The following FAR2 variants were observed in gnomAD, a reference collection of about 807,000 sequenced individuals.
FAR2 encodes the protein fatty acyl-CoA reductase 2, also known as epididymis secretory protein Li 81.
FAR2 carries 19 observed loss-of-function variants against 56.0 expected under a neutral mutation model. The ratio of observed to expected loss-of-function variants is 0.34; its 90% CI spans 0.24 to 0.50. The LOEUF (loss-of-function observed/expected upper bound fraction) is 0.50, where lower values mean the gene tolerates loss of function less well. Among genes scored for constraint, FAR2 ranks in the 20% least tolerant of loss-of-function variants. The probability of loss-of-function intolerance (pLI) is 0.98; values close to 1 mark genes in which losing one functional copy is unlikely to be tolerated. For missense variants in FAR2, 508 were observed against 642.2 expected, an observed-to-expected ratio of 0.79 and a Z score of 2.26; for synonymous variants, 219 against 218.8, an observed-to-expected ratio of 1.00 and a Z score of -0.01.
intron 1 of FAR2, among the ~76,000 whole-genome samples, chr12:29,149,934 G>A (rs909153705): frequency 1.3e-5 from 2 of 152,150 alleles, no homozygotes; most frequent in African/African-American, 4.8e-5. Context: ...GCAGGTCCTC[G>A]CCAGCCCCCA....
At chr12:29,245,163 TA>T (rs1347328153) in intron 1 of FAR2, among the ~76,000 whole-genome samples, 2 of 152,058 alleles carry the variant, frequency 1.3e-5, no homozygotes, top group Admixed American at 6.5e-5. Context: ...GTATTTTTAG[TA>T]AGAGACGGGG....
At chr12:29,264,988 A>G (rs1036224646) in intron 1 of FAR2, among the ~76,000 whole-genome samples, 1 of 152,212 alleles carries the variant, frequency 6.6e-6, no homozygotes, top group Non-Finnish European at 1.5e-5. Context: ...GATCTCTACA[A>G]TAAAACCTAT....
chr12:29,186,131 A>G (rs1028562439), intron 1 of FAR2, among the ~76,000 whole-genome samples: 51 of 152,304 alleles, frequency 3.3e-4, no homozygotes, highest in African/African-American at 1.1e-3. Context: ...AACCTTTATC[A>G]TTTCAATATG....
intron 1 of FAR2, among the ~76,000 whole-genome samples, chr12:29,253,693 A>C (rs1417748605): frequency 6.6e-6 from 1 of 152,184 alleles, no homozygotes; most frequent in Non-Finnish European, 1.5e-5. Flanking sequence ...AAAAGCATCA[A>C]AATTTACATT....
chr12:29,238,619 GAGGGA>G (rs1033580187), intron 1 of FAR2, among the ~76,000 whole-genome samples: 2 of 152,138 alleles, frequency 1.3e-5, no homozygotes, highest in African/African-American at 4.8e-5. Flanking sequence ...TGATCATAGT[GAGGGA>G]AGGGCTATTT....
intron 1 of FAR2, among the ~76,000 whole-genome samples, chr12:29,178,456 C>T (rs1949960526): frequency 6.6e-6 from 1 of 152,076 alleles, no homozygotes; most frequent in African/African-American, 2.4e-5. Context: ...TTAGTTCAGG[C>T]ATGATGGTGC....
At chr12:29,235,770 T>C (rs555484059) in intron 1 of FAR2, among the ~76,000 whole-genome samples, 49 of 152,240 alleles carry the variant, frequency 3.2e-4, no homozygotes, top group Non-Finnish European at 6.8e-4. Context: ...AAAAAGGTAG[T>C]GAGTGATGGG....
chr12:29,177,252 G>A (rs564295414), intron 1 of FAR2, among the ~76,000 whole-genome samples: 1 of 152,324 alleles, frequency 6.6e-6, no homozygotes, highest in East Asian at 1.9e-4. Context: ...TCTTATTCCA[G>A]TCTATTCCAG....
chr12:29,157,126 A>AT (rs1949735799), intron 1 of FAR2: 1 of 138,586 alleles, frequency 7.2e-6, no homozygotes, highest in African/African-American at 2.7e-5. Flanking sequence ...ATATATATAT[A>AT]TATATATATA....
intron 11 of FAR2, chr12:29,333,056 G>C (rs1949755024): frequency 2.7e-6 from 1 of 367,808 alleles, no homozygotes; most frequent in Non-Finnish European, 5.2e-6. Context: ...TGTCATAATG[G>C]GATATAAATA....
intron 1 of FAR2, among the ~76,000 whole-genome samples, chr12:29,265,588 C>G (rs1948501057): frequency 6.6e-6 from 1 of 152,002 alleles, no homozygotes; most frequent in Non-Finnish European, 1.5e-5. Flanking sequence ...AAGAAAACAT[C>G]AGGGAAAGTC....
At chr12:29,221,908 CA>C (rs1947697949) in intron 1 of FAR2, among the ~76,000 whole-genome samples, 1 of 152,098 alleles carries the variant, frequency 6.6e-6, no homozygotes, top group Non-Finnish European at 1.5e-5. Flanking sequence ...AATACAGTGG[CA>C]TGATCTTGGC....
chr12:29,272,089 C>A (rs1356384358), intron 2 of FAR2, among the ~76,000 whole-genome samples: 1 of 152,086 alleles, frequency 6.6e-6, no homozygotes, highest in East Asian at 1.9e-4. Context: ...AGTTATCTAC[C>A]CCTAATGCAC....
intron 2 of FAR2, among the ~76,000 whole-genome samples, chr12:29,289,941 T>G (rs573877917): frequency 6.6e-6 from 1 of 152,270 alleles, no homozygotes; most frequent in South Asian, 2.1e-4. Flanking sequence ...TATAAAAAGG[T>G]GCTCAACATC....
intron 1 of FAR2, among the ~76,000 whole-genome samples, chr12:29,168,624 T>C (rs890080755): frequency 6.6e-6 from 1 of 152,206 alleles, no homozygotes; most frequent in African/African-American, 2.4e-5. Flanking sequence ...AAGGATGGTG[T>C]GTCTGGAGTT....
At chr12:29,226,122 G>A (rs147984211) in intron 1 of FAR2, among the ~76,000 whole-genome samples, 1 of 152,340 alleles carries the variant, frequency 6.6e-6, no homozygotes, top group East Asian at 1.9e-4. Context: ...ATTGCATGAT[G>A]TGTGGGACAT....
At chr12:29,251,274 C>T (rs1948206177) in intron 1 of FAR2, among the ~76,000 whole-genome samples, 2 of 152,152 alleles carry the variant, frequency 1.3e-5, no homozygotes, top group South Asian at 4.1e-4. Flanking sequence ...AAGTTGGGGC[C>T]AGGTCCCTTG....
At chr12:29,312,725 A>G (rs939913637) in intron 8 of FAR2, among the ~76,000 whole-genome samples, 1 of 152,176 alleles carries the variant, frequency 6.6e-6, no homozygotes, top group African/African-American at 2.4e-5. Context: ...GTAGAAAGTT[A>G]AAGTAGGGAG....
intron 1 of FAR2, among the ~76,000 whole-genome samples, chr12:29,151,099 T>G (rs1949678393): frequency 6.6e-6 from 1 of 152,214 alleles, no homozygotes; most frequent in African/African-American, 2.4e-5. Context: ...GAAGAAGCAT[T>G]CTTGAGTGCA....
Sources: gnomAD v4.1 joint callset for allele counts (sites outside exome capture counted in the v4.1 genomes callset) on GRCh38, gnomAD v4.1.1 for gene constraint, MANE v1.5 for transcripts, NCBI Gene and HGNC (gene_info 2026-07-23, HGNC 2026-07-21) for gene names.